TSHZ3: variants seen among roughly 807,000 people sequenced by gnomAD.
TSHZ3 encodes teashirt zinc finger homeobox 3.
Under a neutral mutation model 64.5 loss-of-function variants are expected in TSHZ3, and 10 were observed. The observed-to-expected ratio is 0.16, with a 90% CI of 0.10 to 0.26. The LOEUF (loss-of-function observed/expected upper bound fraction) is 0.26. Ranked by LOEUF, TSHZ3 falls within the 10% of genes least tolerant of loss-of-function variation. The pLI is 1.00. For synonymous variants in TSHZ3, 608 were observed against 593.1 expected, an observed-to-expected ratio of 1.03 and a Z score of -0.36; for missense variants, 1,242 against 1,421.7, an observed-to-expected ratio of 0.87 and a Z score of 2.03.
At chr19:31,337,016 T>TTA (rs977721839) in intron 1 of TSHZ3, among the ~76,000 whole-genome samples, 2 of 115,432 alleles carry the variant, frequency 1.7e-5, no homozygotes, top group Admixed American at 1.8e-4. Context: ...TTTTTCTATT[T>TTA]TTTTTTTTTT....
rs149100424 is a variant in TSHZ3 at position 31,178,409 on chromosome 19, C to T, written n.810-21992G>A. Among the ~76,000 whole-genome samples, 20 of 152,268 alleles carry T rather than the reference C, an allele frequency of 1.3e-4. No individual in the cohort carries two copies. In the East Asian group the frequency reaches 3.1e-3, roughly 24 times the overall value. ...AATGTTGGCATAAAGAAGGTGCTAT[C>T]GGTTGGGCATGGTGGTTCATGCCTG... On this transcript the variant is annotated intron_variant and non_coding_transcript_variant, in intron 5 of 6. Coordinates refer to the TSHZ3 transcript ENST00000651361.
intron 1 of TSHZ3, among the ~76,000 whole-genome samples, chr19:31,281,453 G>A (rs1479395394): frequency 6.6e-6 from 1 of 152,098 alleles, no homozygotes; most frequent in African/African-American, 2.4e-5. Context: ...GCAGGGAGGG[G>A]GATACTTCTG....
At chr19:31,308,727 C>G in intron 1 of TSHZ3, 1 of 398,724 alleles carries the variant, frequency 2.5e-6, no homozygotes, top group East Asian at 3.6e-5. Context: ...GAGAGAAAAA[C>G]AGGGACACAC....
chr19:31,249,557 A>G (rs1975807587), intron 1 of TSHZ3, among the ~76,000 whole-genome samples: 1 of 152,176 alleles, frequency 6.6e-6, no homozygotes, highest in African/African-American at 2.4e-5. Context: ...CTTAATATAT[A>G]AAAAATATAG....
At chr19:31,248,952 G>A (rs1311548444) in intron 1 of TSHZ3, among the ~76,000 whole-genome samples, 1 of 152,090 alleles carries the variant, frequency 6.6e-6, no homozygotes, top group Non-Finnish European at 1.5e-5. Flanking sequence ...CTGGGGTGAT[G>A]GAGCAGGTTT....
chr19:31,164,800 C>T (rs970571949), intron 5 of TSHZ3, among the ~76,000 whole-genome samples: 6 of 152,192 alleles, frequency 3.9e-5, no homozygotes, highest in African/African-American at 7.2e-5. Context: ...GTGGCTGCTG[C>T]GGTGGTTTTC....
intron 1 of TSHZ3, among the ~76,000 whole-genome samples, chr19:31,300,693 C>T (rs1427568583): frequency 6.6e-6 from 1 of 152,118 alleles, no homozygotes; most frequent in Non-Finnish European, 1.5e-5. Flanking sequence ...GGGGTCAGGG[C>T]TGCTAAGTGG....
chr19:31,200,967 C>G (rs966120818), intron 5 of TSHZ3, among the ~76,000 whole-genome samples: 4 of 151,482 alleles, frequency 2.6e-5, no homozygotes, highest in African/African-American at 9.7e-5. Flanking sequence ...TTAAACTGTA[C>G]TTTAAAGCAA....
intron 1 of TSHZ3, among the ~76,000 whole-genome samples, chr19:31,310,834 T>C (rs912823106): frequency 3.5e-4 from 53 of 152,390 alleles, no homozygotes; most frequent in African/African-American, 1.3e-3. Context: ...GCACCATGCC[T>C]GGCATGTGGC....
intron 5 of TSHZ3, among the ~76,000 whole-genome samples, chr19:31,172,979 G>T (rs1365590037): frequency 6.6e-6 from 1 of 152,196 alleles, no homozygotes; most frequent in East Asian, 1.9e-4. Context: ...AGGTGATGGG[G>T]CTAGATCATG....
downstream of TSHZ3, among the ~76,000 whole-genome samples, chr19:31,272,907 C>T (rs531131229): frequency 6.6e-6 from 1 of 152,306 alleles, no homozygotes; most frequent in Non-Finnish European, 1.5e-5. Context: ...CCCCCCTCCT[C>T]CCTGCACCCA....
At chr19:31,208,770 C>T (rs1975220945) in intron 4 of TSHZ3, among the ~76,000 whole-genome samples, 1 of 152,188 alleles carries the variant, frequency 6.6e-6, no homozygotes, top group Non-Finnish European at 1.5e-5. Context: ...CACACTGTTC[C>T]TCTTTCAGAG....
In TSHZ3 at chr19:31,275,830, A is replaced by G. The variant is rs1976220508; in HGVS notation, c.*717T>C. ...AAAAAGAAAAAAAGAAATATACACT[A>G]TACATAGGCACAGCTTATGCCCAGA... On this transcript the variant is annotated 3_prime_UTR_variant, in exon 2 of 2. Coordinates refer to ENST00000240587, the MANE Select transcript of TSHZ3 (RefSeq NM_020856.4). 1 of 152,664 alleles carries G rather than the reference A, an allele frequency of 6.6e-6. No individual in the cohort carries two copies. Among genetic ancestry groups the G allele is most frequent in the Non-Finnish European group, 1.5e-5 (1 of 68,036 alleles). The allele number at this position is 152,664 out of a possible 1,614,324, so 9.5% of individuals were successfully genotyped here. A position where few individuals can be genotyped will look rare whatever the true frequency, so the allele number is the denominator to read the frequency against.
intron 5 of TSHZ3, among the ~76,000 whole-genome samples, chr19:31,196,393 G>C (rs556558013): frequency 6.6e-6 from 1 of 151,866 alleles, no homozygotes; most frequent in Non-Finnish European, 1.5e-5. Flanking sequence ...GGCATAAAAA[G>C]ACTGGGAGAT....
chr19:31,315,234 T>C (rs1475422817), intron 1 of TSHZ3, among the ~76,000 whole-genome samples: 1 of 152,250 alleles, frequency 6.6e-6, no homozygotes, highest in East Asian at 1.9e-4. Context: ...TGTTTCTTTT[T>C]CTTTTCTCTT....
At chr19:31,181,947 A>C (rs930884651) in intron 5 of TSHZ3, among the ~76,000 whole-genome samples, 1 of 152,178 alleles carries the variant, frequency 6.6e-6, no homozygotes, top group African/African-American at 2.4e-5. Flanking sequence ...AAGGAACTGG[A>C]GTCCTGGCCA....
chr19:31,215,655 G>A (rs978058334), intron 4 of TSHZ3, among the ~76,000 whole-genome samples: 3 of 152,154 alleles, frequency 2.0e-5, no homozygotes, highest in African/African-American at 7.2e-5. Context: ...GGCGGATCAC[G>A]AGGTTAGGAG....
Position 31,275,589 on chromosome 19 carries a change from T to C in TSHZ3, c.*958A>G, listed in dbSNP as rs1329264802. The C allele has an allele frequency of 6.6e-6, 1 of 152,656 alleles. No homozygotes were observed. The highest frequency in any genetic ancestry group is 2.4e-5 in the African/African-American group (1 of 41,446). The allele number at this position is 152,656 out of a possible 1,614,324, so 9.5% of individuals were successfully genotyped here. The stretch of plus-strand genomic sequence containing the variant: ...CAGGGATGTCTTTCCCGGTCTCGTT[T>C]ATTCAGACTGCTCAAAACAAATGAC... On this transcript the variant is annotated 3_prime_UTR_variant, in exon 2 of 2. Transcript: ENST00000240587.
intron 1 of TSHZ3, among the ~76,000 whole-genome samples, chr19:31,319,789 A>G (rs1352018902): frequency 2.0e-5 from 3 of 152,072 alleles, no homozygotes; most frequent in Non-Finnish European, 2.9e-5. Flanking sequence ...TTTTCTTTCT[A>G]CTTAAGCTGC....
Sources: gnomAD v4.1 joint callset for allele counts (sites outside exome capture counted in the v4.1 genomes callset) on GRCh38, gnomAD v4.1.1 for gene constraint, MANE v1.5 for transcripts, NCBI Gene and HGNC (gene_info 2026-07-23, HGNC 2026-07-21) for gene names.